Variants in TDRD3 observed in about 807,000 individuals in gnomAD.
TDRD3 encodes the protein tudor domain containing 3.
A neutral mutation model predicts 86.7 loss-of-function variants in TDRD3; 45 were observed. The observed-to-expected ratio is 0.52, with a 90% CI of 0.41 to 0.67. The LOEUF is 0.67. TDRD3 is among the 30% of genes least tolerant of loss of function. TDRD3 has a pLI of 0.00. For synonymous variants in TDRD3, 298 were observed against 301.7 expected (o/e 0.99, Z 0.13); for missense variants, 814 against 889.0 (o/e 0.92, Z 1.07).
At chr13:60,522,763 A>C (rs1273844151) in intron 10 of TDRD3, among the ~76,000 whole-genome samples, 1 of 152,222 alleles carries the variant, frequency 6.6e-6, no homozygotes, top group East Asian at 1.9e-4. Context: ...CTAGCGTCCA[A>C]ATGTATTTTT....
chr13:60,517,185 C>CA (rs1555286754), intron 10 of TDRD3, among the ~76,000 whole-genome samples: 4 of 143,832 alleles, frequency 2.8e-5, no homozygotes. Flanking sequence ...TTTGTTTTTG[C>CA]TTTTTTTTTT....
intron 10 of TDRD3, among the ~76,000 whole-genome samples, chr13:60,517,373 T>C (rs1957195929): frequency 6.6e-6 from 1 of 152,172 alleles, no homozygotes; most frequent in Non-Finnish European, 1.5e-5. Context: ...CTAGATGTTA[T>C]TGTGAGGGAT....
intron 7 of TDRD3, among the ~76,000 whole-genome samples, chr13:60,490,050 G>GTTTTTTTTTTTTTTTT (rs11397531): frequency 9.0e-6 from 1 of 111,042 alleles, no homozygotes; most frequent in African/African-American, 3.5e-5. Context: ...AAGCATCTTA[G>GTTTTTTTTTTTTTTTT]TTTTTTTTTT....
intron 1 of TDRD3, among the ~76,000 whole-genome samples, chr13:60,420,027 T>C (rs1289188670): frequency 6.6e-6 from 1 of 152,056 alleles, no homozygotes; most frequent in African/African-American, 2.4e-5. Context: ...GTGTTTTATA[T>C]GTAATACATC....
intron 3 of TDRD3, among the ~76,000 whole-genome samples, chr13:60,447,275 G>A (rs557974709): frequency 1.2e-4 from 18 of 152,250 alleles, no homozygotes; most frequent in Admixed American, 1.1e-3. Flanking sequence ...AAATGATACG[G>A]ACCAGGAACA....
intron 13 of TDRD3, among the ~76,000 whole-genome samples, chr13:60,569,500 C>T (rs1412793099): frequency 6.6e-6 from 1 of 152,036 alleles, no homozygotes; most frequent in Non-Finnish European, 1.5e-5. Context: ...CAGTACTACC[C>T]AAAGCAATCT....
chr13:60,412,285 G>A (rs1954385816), intron 1 of TDRD3, among the ~76,000 whole-genome samples: 1 of 152,126 alleles, frequency 6.6e-6, no homozygotes, highest in African/African-American at 2.4e-5. Context: ...TCAGCTTACG[G>A]TAAATTTGAG....
intron 12 of TDRD3, among the ~76,000 whole-genome samples, chr13:60,559,576 C>A (rs1380138939): frequency 6.6e-6 from 1 of 152,136 alleles, no homozygotes; most frequent in Non-Finnish European, 1.5e-5. Context: ...CTGAAGCCAT[C>A]CGTTTAGTTA....
At chr13:60,451,320 A>G (rs993383135) in intron 3 of TDRD3, among the ~76,000 whole-genome samples, 1 of 152,188 alleles carries the variant, frequency 6.6e-6, no homozygotes, top group Admixed American at 6.5e-5. Flanking sequence ...AAGTTGCAGC[A>G]AGATTGTTTC....
chr13:60,555,183 C>A (rs1451226589), intron 12 of TDRD3, among the ~76,000 whole-genome samples: 1 of 152,040 alleles, frequency 6.6e-6, no homozygotes, highest in African/African-American at 2.4e-5. Flanking sequence ...ATATGTTGAA[C>A]CTTTTGAAAT....
intron 10 of TDRD3, among the ~76,000 whole-genome samples, chr13:60,525,261 C>A (rs1187218344): frequency 6.9e-6 from 1 of 143,980 alleles, no homozygotes; most frequent in Non-Finnish European, 1.5e-5. Context: ...GCATCTTCCA[C>A]CTCCCGGGTT....
At chr13:60,565,635 T>G (rs999218532) in intron 12 of TDRD3, among the ~76,000 whole-genome samples, 2 of 152,206 alleles carry the variant, frequency 1.3e-5, no homozygotes, top group Non-Finnish European at 2.9e-5. Flanking sequence ...TTTTTAGATG[T>G]TCTCCAGCCA....
At position 60,422,635 on chromosome 13, in the gene TDRD3, A is replaced by G. The variant is rs1418303540; in HGVS notation, c.42-17053A>G. 4.6e-5 allele frequency among the ~76,000 whole-genome samples: 7 copies of G among 152,282 alleles called. No homozygotes were observed. The East Asian group carries it at 1.3e-3, about 29-fold the overall frequency. ...ATGGAGCTTTGGAAAGAAATGGAAG[A>G]AAATATCAGAATTATTTTAGAAATA... On this transcript the variant is annotated intron_variant, in intron 1 of 13. Transcript: ENST00000377881.
chr13:60,474,398 T>A (rs73542966), intron 5 of TDRD3, among the ~76,000 whole-genome samples: 6,264 of 152,264 alleles, frequency 0.041, 433 homozygotes, highest in African/African-American at 0.14. Context: ...CTGTCCTTTC[T>A]TCTGTCTCTT....
In TDRD3 at chr13:60,457,964, A is replaced by C. The variant is rs540924063; in HGVS notation, c.193-2416A>C. On this transcript the variant is annotated intron_variant, in intron 3 of 13. Coordinates refer to ENST00000377881, the MANE Select transcript of TDRD3 (RefSeq NM_001146070.2). ...TTCTCATCTTTAGATCCTTACCTTA[A>C]TTACATCTGAAAAGAGCCTTGTTCC... is the stretch of plus-strand genomic sequence containing the variant. 5.9e-5 allele frequency among the ~76,000 whole-genome samples: 9 copies of C among 152,054 alleles called. No homozygotes were observed. The East Asian group carries it at 1.7e-3, about 29-fold the overall frequency.
At chr13:60,400,637 C>A (rs1245297785) in intron 1 of TDRD3, among the ~76,000 whole-genome samples, 1 of 151,638 alleles carries the variant, frequency 6.6e-6, no homozygotes, top group Non-Finnish European at 1.5e-5. Context: ...CCTGGTGAGG[C>A]TGAGGCAGGA....
In TDRD3 at chr13:60,424,404, G is replaced by A. The variant is rs149387515; in HGVS notation, c.42-15284G>A. On this transcript the variant is annotated intron_variant, in intron 1 of 13. Coordinates refer to ENST00000377881, the MANE Select transcript of TDRD3 (RefSeq NM_001146070.2). Reference sequence around the variant, plus strand: ...TTAAAGTGTACAGTTCTGGCTGGGCGCAGTGGCTCACGCGTGTAATCCCAG... The same window carrying A: ...TTAAAGTGTACAGTTCTGGCTGGGCACAGTGGCTCACGCGTGTAATCCCAG... Among the ~76,000 whole-genome samples the A allele has an allele frequency of 3.0e-3, 464 of 152,154 alleles. 2 individuals are homozygous for A. The highest frequency in any genetic ancestry group is 0.011 in the African/African-American group (440 of 41,544).
intron 12 of TDRD3, among the ~76,000 whole-genome samples, chr13:60,544,228 C>A (rs1314017501): frequency 2.0e-5 from 3 of 151,596 alleles, no homozygotes; most frequent in African/African-American, 7.3e-5. Context: ...ACAGGAGGGT[C>A]ATTTGAGACC....
At chr13:60,476,216 G>A (rs528261346) in intron 5 of TDRD3, among the ~76,000 whole-genome samples, 26 of 152,150 alleles carry the variant, frequency 1.7e-4, no homozygotes, top group Admixed American at 1.1e-3. Context: ...TAATGTTTGC[G>A]TATGATGACT....
Sources: allele counts gnomAD v4.1 joint callset (sites outside exome capture counted in the v4.1 genomes callset), GRCh38; gene constraint gnomAD v4.1.1; transcripts MANE v1.5; gene names NCBI Gene and HGNC (gene_info 2026-07-23, HGNC 2026-07-21).